The following CYP4F3 variants were observed in gnomAD, a reference collection of about 807,000 sequenced individuals.
CYP4F3 encodes cytochrome P450 4F3.
Under a neutral mutation model 54.8 loss-of-function variants are expected in CYP4F3, and 50 were observed. That is an observed-to-expected ratio of 0.91 (90% CI 0.73 to 1.16). CYP4F3 has a LOEUF of 1.16. Ranked by LOEUF, CYP4F3 falls within the 50% of genes most tolerant of loss-of-function variation. The probability of loss-of-function intolerance (pLI) is 0.00; values close to 1 mark genes in which losing one functional copy is unlikely to be tolerated. For synonymous variants in CYP4F3, 244 were observed against 262.6 expected (o/e 0.93, Z 0.69); for missense variants, 715 against 676.2 (o/e 1.06, Z -0.64).
chr19:15,641,983 T>G (rs28371468), intron 2 of CYP4F3, among the ~76,000 whole-genome samples: 2,046 of 152,246 alleles, frequency 0.013, 48 homozygotes, highest in African/African-American at 0.047. Context: ...TCTCCCTACC[T>G]GGCCTATTTC....
intron 8 of CYP4F3, 77 bp from the exon 9 acceptor site, chr19:15,652,746 T>G: frequency 6.2e-7 from 1 of 1,602,160 alleles, no homozygotes; most frequent in Non-Finnish European, 8.5e-7. Context: ...CTCCCTGAGG[T>G]CCTCAATGCA....
At chr19:15,647,386 T>C in intron 5 of CYP4F3, 62 bp downstream of exon 5, 1 of 1,604,422 alleles carries the variant, frequency 6.2e-7, no homozygotes, top group Non-Finnish European at 8.5e-7. Flanking sequence ...CACAGACAGA[T>C]CTAGTCTGGA....
In CYP4F3 at chr19:15,662,484, C is replaced by G. The variant is rs1032798432; in HGVS notation, c.*3099C>G. The G allele has an allele frequency of 7.5e-5, 9 of 119,686 alleles. No individual in the cohort carries two copies. The highest frequency in any genetic ancestry group is 3.1e-4 in the African/African-American group (9 of 29,374). 7.4% of individuals were successfully genotyped at this position (119,686 alleles called of 1,614,324 possible). A position where few individuals can be genotyped will look rare whatever the true frequency, so the allele number is the denominator to read the frequency against. ...TATCTTTAAAGGAGTAATGGGAATC[C>G]TTCAACTACATTTTTTCCCCAATAA... is the stretch of plus-strand genomic sequence containing the variant. On this transcript the variant is annotated 3_prime_UTR_variant, in exon 13 of 13. Transcript: ENST00000221307.
In CYP4F3 at chr19:15,650,118, G is replaced by T; in HGVS notation, c.853G>T (p.Asp285Tyr). The T allele has an allele frequency of 6.2e-7, 1 of 1,614,214 alleles. No individual in the cohort carries two copies. ...CACCCTCCCTAGCCAGGGTGTTGATGACTTCCTCCAAGCCAAGGCCAAATC... is the reference window on the plus strand; with the variant it reads ...CACCCTCCCTAGCCAGGGTGTTGATTACTTCCTCCAAGCCAAGGCCAAATC... ...RRTLPSQGVD[D>Y]FLQAKAKSKT... Residue 285 changes from aspartate to tyrosine, a missense_variant, in exon 7 of 13, where the codon GAC becomes TAC. Physicochemically the swap from Asp to Tyr is radical, Grantham distance 160 (BLOSUM62 -3). Coordinates refer to ENST00000221307, the MANE Select transcript of CYP4F3 (RefSeq NM_000896.3).
At chr19:15,643,625 G>C (rs1230287341) in intron 2 of CYP4F3, among the ~76,000 whole-genome samples, 1 of 152,082 alleles carries the variant, frequency 6.6e-6, no homozygotes, top group Non-Finnish European at 1.5e-5. Flanking sequence ...TGGAGTTCTG[G>C]TGTCCAAGGG....
rs1014116866 is a variant in CYP4F3 at position 15,644,146 on chromosome 19, T to C, written c.199-1573T>C. The stretch of plus-strand genomic sequence containing the variant: ...GCCGTGTGTGGCCCCTGCAGTACTC[T>C]GGTCTCTCCTTTCCTTCTCTCTCAG... On this transcript the variant is annotated intron_variant, in intron 2 of 12. Coordinates refer to ENST00000221307, the MANE Select transcript of CYP4F3 (RefSeq NM_000896.3). 21 of 1,365,814 alleles carry C rather than the reference T, an allele frequency of 1.5e-5. No homozygotes were observed. The African/African-American group carries it at 3.0e-4, about 20-fold the overall frequency. 84.6% of individuals were successfully genotyped at this position (1,365,814 alleles called of 1,614,324 possible).
At chr19:15,653,498 C>T (rs1173064930) in intron 9 of CYP4F3, among the ~76,000 whole-genome samples, 2 of 152,128 alleles carry the variant, frequency 1.3e-5, no homozygotes, top group African/African-American at 4.8e-5. Context: ...AAGGACCCAA[C>T]CAGGGATCTA....
In CYP4F3 at chr19:15,650,684, C is replaced by CTTTCTTTCTTTCTTT. The variant is rs1568397563; in HGVS notation, c.918+502_918+516dup. Among the ~76,000 whole-genome samples, 60 of 70,066 alleles carry CTTTCTTTCTTTCTTT rather than the reference C, an allele frequency of 8.6e-4. 4 individuals are homozygous for CTTTCTTTCTTTCTTT. The highest frequency in any genetic ancestry group is 4.3e-3 in the South Asian group (8 of 1,864). 46.0% of individuals were successfully genotyped at this position (70,066 alleles called of 152,430 possible). A position where few individuals can be genotyped will look rare whatever the true frequency, so the allele number is the denominator to read the frequency against. On this transcript the variant is annotated intron_variant, in intron 7 of 12. Coordinates refer to ENST00000221307, the MANE Select transcript of CYP4F3 (RefSeq NM_000896.3). ...TTTTTCTTTCTTTCTTTCTTTCTTT[C>CTTTCTTTCTTTCTTT]TTTCTTTCTTTCTTTCTTTCTTTCT... is the stretch of plus-strand genomic sequence containing the variant.
At chr19:15,657,977 C>T (rs1243151868) in intron 9 of CYP4F3, among the ~76,000 whole-genome samples, 1 of 152,018 alleles carries the variant, frequency 6.6e-6, no homozygotes, top group Non-Finnish European at 1.5e-5. Context: ...CTGTAAAATC[C>T]ATCAACTTCC....
At chr19:15,652,728 C>T in intron 8 of CYP4F3, 93 bp downstream of exon 8, 2 of 1,606,508 alleles carry the variant, frequency 1.2e-6, no homozygotes, top group East Asian at 2.2e-5. Flanking sequence ...CATCCCCCTT[C>T]CCCCATCCTC....
At chr19:15,659,146 G>A (rs1973120043) in intron 12 of CYP4F3, 74 bp from the exon 13 acceptor site, 2 of 1,364,812 alleles carry the variant, frequency 1.5e-6, no homozygotes, top group Non-Finnish European at 2.0e-6. Context: ...GGGTGTCCCA[G>A]GCCAGGTTAC....
rs1411555454 is a variant in CYP4F3, at chr19:15,649,232, T to C, written c.598T>C (p.Leu200=). 29 of 1,613,340 alleles carry C rather than the reference T, an allele frequency of 1.8e-5. No individual in the cohort carries two copies. In the East Asian group the frequency reaches 6.5e-4, roughly 36 times the overall value. The change falls in exon 6 of 13, where the codon TTG becomes CTG. Residue 200 remains leucine (L), a synonymous_variant. Transcript: ENST00000221307. ...GTTTGAGCACATCAGCCTCATGACC[T>C]TGGACAGTCTGCAGAAATGTGTCTT... ...DMFEHISLMT[L]DSLQKCVFSF... is the part of the protein sequence containing the mutation.
Position 15,643,959 on chromosome 19 carries a change from A to T in CYP4F3, c.199-1760A>T, listed in dbSNP as rs777530482. On this transcript the variant is annotated intron_variant, in intron 2 of 12. Coordinates refer to ENST00000221307, the MANE Select transcript of CYP4F3 (RefSeq NM_000896.3). Reference sequence around the variant, plus strand: ...GTCCTGACTCAGCTGGTGGCCACCTACCCCCAGGGCTTTAAGGTCTGGATG... The same window carrying T: ...GTCCTGACTCAGCTGGTGGCCACCTTCCCCCAGGGCTTTAAGGTCTGGATG... 21 of 1,604,884 alleles carry T rather than the reference A, an allele frequency of 1.3e-5. No individual in the cohort carries two copies. The highest frequency in any genetic ancestry group is 2.7e-5 in the African/African-American group (2 of 74,412).
intron 2 of CYP4F3, among the ~76,000 whole-genome samples, chr19:15,645,152 G>C (rs1449734989): frequency 6.6e-6 from 1 of 152,106 alleles, no homozygotes; most frequent in Non-Finnish European, 1.5e-5. Flanking sequence ...CGTCAACAAT[G>C]AGTCCTAGAA....
intron 1 of CYP4F3, 27 bp from the exon 2 acceptor site, chr19:15,641,388 T>A (rs761850775): frequency 8.7e-6 from 14 of 1,613,048 alleles, no homozygotes; most frequent in Middle Eastern, 3.3e-4. Context: ...CCTCAGGACC[T>A]CACTCACCAC....
At chr19:15,650,266 A>C in intron 7 of CYP4F3, 83 bp downstream of exon 7, 5 of 1,612,458 alleles carry the variant, frequency 3.1e-6, no homozygotes, top group Non-Finnish European at 4.2e-6. Context: ...AACTTGACCC[A>C]GAGGGCACTG....
intron 5 of CYP4F3, among the ~76,000 whole-genome samples, chr19:15,647,709 T>A (rs1377739791): frequency 1.3e-5 from 2 of 152,208 alleles, no homozygotes; most frequent in African/African-American, 4.8e-5. Flanking sequence ...TTCTTCTGGA[T>A]GTGGATGGAA....
At chr19:15,648,007 G>C (rs547566932) in intron 5 of CYP4F3, among the ~76,000 whole-genome samples, 17 of 152,206 alleles carry the variant, frequency 1.1e-4, no homozygotes, top group Non-Finnish European at 1.9e-4. Flanking sequence ...AGTCCAACAC[G>C]GAATCAATGG....
chr19:15,657,751 C>A (rs1289343576), intron 9 of CYP4F3, among the ~76,000 whole-genome samples: 1 of 152,142 alleles, frequency 6.6e-6, no homozygotes, highest in East Asian at 1.9e-4. Context: ...ACATCTTTTG[C>A]ACGTGTTGAT....
Sources: allele counts gnomAD v4.1 joint callset (sites outside exome capture counted in the v4.1 genomes callset), GRCh38; gene constraint gnomAD v4.1.1; transcripts MANE v1.5; gene names NCBI Gene and HGNC (gene_info 2026-07-23, HGNC 2026-07-21).